ABCF2: variants seen among roughly 807,000 people sequenced by gnomAD.
ABCF2 encodes the protein ATP-binding cassette sub-family F member 2.
Under a neutral mutation model 76.9 loss-of-function variants are expected in ABCF2, and 37 were observed. The ratio of observed to expected loss-of-function variants is 0.48; its 90% confidence interval spans 0.37 to 0.63. The LOEUF (loss-of-function observed/expected upper bound fraction) is 0.63. ABCF2 is among the 30% of genes least tolerant of loss of function. ABCF2 has a pLI of 0.00. For missense variants in ABCF2, 524 were observed against 782.1 expected, an observed-to-expected ratio of 0.67 and a Z score of 3.94; for synonymous variants, 299 against 283.7, an observed-to-expected ratio of 1.05 and a Z score of -0.54.
Position 151,213,238 on chromosome 7 carries a change from T to C in ABCF2, c.*816A>G, listed in dbSNP as rs1450711631. On this transcript the variant is annotated 3_prime_UTR_variant, in exon 15 of 15. Transcript: ENST00000287844. ...GTTCTTGGTCTCCCCCAAAACCTAT[T>C]GAACCAGAAACGCTGAGGCGAGATC... 1 of 978,690 alleles carries C rather than the reference T, an allele frequency of 1.0e-6. No individual in the cohort carries two copies. The highest frequency in any genetic ancestry group is 1.2e-6 in the Non-Finnish European group (1 of 823,962). The allele number at this position is 978,690 out of a possible 1,614,324, so 60.6% of individuals were successfully genotyped here. A position where few individuals can be genotyped will look rare whatever the true frequency, so the allele number is the denominator to read the frequency against.
At chr7:151,219,605 C>T (rs949572674) in intron 7 of ABCF2, among the ~76,000 whole-genome samples, 1 of 152,204 alleles carries the variant, frequency 6.6e-6, no homozygotes, top group Admixed American at 6.5e-5. Context: ...CATAAGTGGA[C>T]TACCATGGTT....
chr7:151,211,511 CTT>C lies in ABCF2; in HGVS notation c.*2541_*2542del. ...ATTTTAGAAATATGTATTTTGTGGA[CTT>C]TTAAAGCATTATTTAAATTACCAAG... On this transcript the variant is annotated 3_prime_UTR_variant, in exon 15 of 15. Transcript: ENST00000287844. 3 of 983,400 alleles carry C rather than the reference CTT, an allele frequency of 3.1e-6. No homozygotes were observed. The highest frequency in any genetic ancestry group is 3.6e-6 in the Non-Finnish European group (3 of 828,078). 60.9% of individuals were successfully genotyped at this position (983,400 alleles called of 1,614,324 possible).
At chr7:151,226,536 A>G (rs1434072604) in intron 1 of ABCF2, 36 bp from the exon 2 acceptor site, 13 of 1,458,952 alleles carry the variant, frequency 8.9e-6, no homozygotes, top group Non-Finnish European at 1.2e-5. Context: ...CAAACCCTAA[A>G]CTTACTAGTA....
intron 6 of ABCF2, 86 bp from the exon 7 acceptor site, chr7:151,221,766 A>G (rs1201299450): frequency 5.2e-6 from 5 of 959,306 alleles, no homozygotes; most frequent in Middle Eastern, 2.1e-4. Flanking sequence ...GCCCATCCTC[A>G]TCCCTAAGCA....
intron 6 of ABCF2, among the ~76,000 whole-genome samples, chr7:151,222,239 AT>A (rs1802283341): frequency 6.8e-6 from 1 of 147,194 alleles, no homozygotes; most frequent in Non-Finnish European, 1.5e-5. Flanking sequence ...GAAAAAAAAT[AT>A]ATCTTTAATT....
At chr7:151,226,279 C>T in intron 2 of ABCF2, 26 bp downstream of exon 2, 1 of 1,609,268 alleles carries the variant, frequency 6.2e-7, no homozygotes, top group Non-Finnish European at 8.5e-7. Flanking sequence ...AGCAACCATC[C>T]CCAACTCACC....
intron 1 of ABCF2, chr7:151,226,721 C>A (rs1479685510): frequency 2.8e-6 from 1 of 363,128 alleles, no homozygotes; most frequent in East Asian, 4.9e-5. Flanking sequence ...GCACCAGTCC[C>A]CCACGGACTG....
Position 151,214,015 on chromosome 7 carries a change from T to A in ABCF2, c.*39A>T. On this transcript the variant is annotated 3_prime_UTR_variant, in exon 15 of 15. Transcript: ENST00000287844. This position sits in a 1 kb window ranked among gnomAD's most constrained non-coding sequence, Gnocchi z 4.9. ...GCTGGTCAGGTTAGCAGCTGTTAGT[T>A]CCCAGATGGAGCTCCTGACCCGAAC... is the stretch of plus-strand genomic sequence containing the variant. The A allele has an allele frequency of 1.2e-6, 2 of 1,608,858 alleles. No individual in the cohort carries two copies. Among genetic ancestry groups the A allele is most frequent in the Non-Finnish European group, 1.7e-6 (2 of 1,178,112 alleles).
Position 151,215,978 on chromosome 7 carries a change from G to T in ABCF2, c.1390C>A (p.Arg464Ser). The T allele has an allele frequency of 6.2e-7, 1 of 1,614,124 alleles. No individual in the cohort carries two copies. The highest frequency in any genetic ancestry group is 8.5e-7 in the Non-Finnish European group (1 of 1,179,980). ...IRKHSHVKIG[R>S]YHQHLQEQLD... ...CCCCAGGCCTGTACCTGATGGTAAC[G>T]CCCTATCTTGACATGAGAGTGTTTT... Residue 464 changes from arginine (R) to serine (S), a missense_variant, in exon 12 of 15, where the codon CGT becomes AGT. Arg to Ser is a moderately radical substitution (Grantham distance 110). Coordinates refer to ENST00000287844, the MANE Select transcript of ABCF2 (RefSeq NM_007189.3). This position sits in a 1 kb window ranked among gnomAD's most constrained non-coding sequence, Gnocchi z 4.6.
Position 151,215,197 on chromosome 7 carries a change from GA to G in ABCF2, c.1531-116del. ...ATTAGCATCGCCATTTATAAAAAGTGAGGCTCAGAGAGACCCACTAGTCTCT... is the reference window on the plus strand; with the variant it reads ...ATTAGCATCGCCATTTATAAAAAGTGGGCTCAGAGAGACCCACTAGTCTCT... On this transcript the variant is annotated intron_variant, in intron 13 of 14. Transcript: ENST00000287844. The surrounding 1 kb of genome is among the most constrained non-coding windows in gnomAD (Gnocchi z 4.6). 1 of 1,026,682 alleles carries G rather than the reference GA, an allele frequency of 9.7e-7. No homozygotes were observed. Among genetic ancestry groups the G allele is most frequent in the Non-Finnish European group, 1.4e-6 (1 of 692,450 alleles). The allele number at this position is 1,026,682 out of a possible 1,614,324, so 63.6% of individuals were successfully genotyped here. A position where few individuals can be genotyped will look rare whatever the true frequency, so the allele number is the denominator to read the frequency against.
chr7:151,226,219 T>C, intron 2 of ABCF2, 86 bp downstream of exon 2: 1 of 1,452,998 alleles, frequency 6.9e-7, no homozygotes, highest in Non-Finnish European at 9.4e-7. Flanking sequence ...CATTCTCCAC[T>C]ACCCCCAGCA....
chr7:151,220,387 CAAAAAAAA>C (rs10706364), intron 7 of ABCF2, among the ~76,000 whole-genome samples: 1 of 82,500 alleles, frequency 1.2e-5, no homozygotes, highest in African/African-American at 4.8e-5. Context: ...GACTCCAGCT[CAAAAAAAA>C]AAAAAAAAAA....
At chr7:151,216,716 T>C (rs1584840023) in intron 11 of ABCF2, among the ~76,000 whole-genome samples, 3 of 152,072 alleles carry the variant, frequency 2.0e-5, no homozygotes, top group Non-Finnish European at 1.5e-5. Flanking sequence ...GGTTTCACCA[T>C]GTGGCCAGGC....
chr7:151,221,725 G>C, intron 6 of ABCF2, 45 bp from the exon 7 acceptor site: 1 of 1,406,690 alleles, frequency 7.1e-7, no homozygotes, highest in Non-Finnish European at 1.0e-6. Flanking sequence ...AACCATGGGA[G>C]CTAGCTGACA....
intron 3 of ABCF2, 40 bp downstream of exon 3, chr7:151,224,736 T>C (rs1416084422): frequency 2.6e-6 from 4 of 1,537,678 alleles, no homozygotes; most frequent in Non-Finnish European, 3.6e-6. Flanking sequence ...ACAGATGAGC[T>C]AAGGAGAGAT....
At chr7:151,222,860 T>C (rs898378993) in intron 5 of ABCF2, among the ~76,000 whole-genome samples, 1 of 152,194 alleles carries the variant, frequency 6.6e-6, no homozygotes, top group Non-Finnish European at 1.5e-5. Flanking sequence ...GGCAAGGCTG[T>C]AGAAGTCTTT....
In ABCF2 at chr7:151,212,077, T is replaced by A. The variant is rs1263593569; in HGVS notation, c.*1977A>T. ...AGCATCTAATTTGTGTCCTGTATGGTTCTGTCTTACTGGCTTTCCAAGAAG... is the reference window on the plus strand; with the variant it reads ...AGCATCTAATTTGTGTCCTGTATGGATCTGTCTTACTGGCTTTCCAAGAAG... On this transcript the variant is annotated 3_prime_UTR_variant, in exon 15 of 15. Transcript: ENST00000287844. 1 of 964,158 alleles carries A rather than the reference T, an allele frequency of 1.0e-6. No homozygotes were observed. Among genetic ancestry groups the A allele is most frequent in the Non-Finnish European group, 1.2e-6 (1 of 810,662 alleles). 59.7% of individuals were successfully genotyped at this position (964,158 alleles called of 1,614,324 possible).
rs1202255509 is a variant in ABCF2 at position 151,214,156 on chromosome 7, T to G, written c.1770A>C (p.Thr590=). 1 of 1,614,150 alleles carries G rather than the reference T, an allele frequency of 6.2e-7. No homozygotes were observed. The highest frequency in any genetic ancestry group is 8.5e-7 in the Non-Finnish European group (1 of 1,180,002). Residue 590 remains threonine, a synonymous_variant, in exon 15 of 15, where the codon ACA becomes ACC. Transcript: ENST00000287844. The surrounding 1 kb of genome is among the most constrained non-coding windows in gnomAD (Gnocchi z 4.9). The part of the protein sequence containing the change: ...AQEIWVCEKQ[T]ITKWPGDILA... The stretch of plus-strand genomic sequence containing the variant: ...GGATGTCTCCAGGCCACTTGGTGAT[T>G]GTCTGCTTCTCACAGACCCAAATTT...
rs1442262356 is a variant in ABCF2 at position 151,213,932 on chromosome 7, C to T, written c.*122G>A. On this transcript the variant is annotated 3_prime_UTR_variant, in exon 15 of 15. Coordinates refer to ENST00000287844, the MANE Select transcript of ABCF2 (RefSeq NM_007189.3). Reference sequence around the variant, plus strand: ...GGCAGGTTGAGGGGCAGGGGAGAGGCTGGGGGAGCAGTATTGCAGCAATGC... The same window carrying T: ...GGCAGGTTGAGGGGCAGGGGAGAGGTTGGGGGAGCAGTATTGCAGCAATGC... 5 of 1,502,098 alleles carry T rather than the reference C, an allele frequency of 3.3e-6. No homozygotes were observed. In the African/African-American group the frequency reaches 7.0e-5, roughly 21 times the overall value. The allele number at this position is 1,502,098 out of a possible 1,614,324, so 93.0% of individuals were successfully genotyped here.
Sources: gnomAD v4.1 joint callset for allele counts (sites outside exome capture counted in the v4.1 genomes callset) on GRCh38, gnomAD v4.1.1 for gene constraint, Gnocchi (gnomAD v3.1) non-coding constraint, MANE v1.5 for transcripts, NCBI Gene and HGNC (gene_info 2026-07-23, HGNC 2026-07-21) for gene names.